Variants in GALK2 observed in about 807,000 individuals in gnomAD.
The protein encoded by GALK2 is N-acetylgalactosamine kinase.
Under a neutral mutation model 52.4 loss-of-function variants are expected in GALK2, and 36 were observed. That is an observed-to-expected ratio of 0.69 (90% CI 0.53 to 0.91). GALK2 has a LOEUF of 0.91. Among genes scored for constraint, GALK2 ranks in the 40% least tolerant of loss-of-function variants. GALK2 has a pLI of 0.00. For synonymous variants in GALK2, 176 were observed against 199.1 expected (o/e 0.88, Z 0.98); for missense variants, 579 against 559.1 (o/e 1.04, Z -0.36).
At chr15:49,319,205 C>G (rs149063385) in intron 8 of GALK2, 2 of 351,850 alleles carry the variant, frequency 5.7e-6, no homozygotes, top group Non-Finnish European at 1.1e-5. Flanking sequence ...CCACCTGCCT[C>G]GGCCTCCCAA....
chr15:49,203,012 C>G (rs2087918955), intron 2 of GALK2, among the ~76,000 whole-genome samples: 1 of 151,938 alleles, frequency 6.6e-6, no homozygotes, highest in Admixed American at 6.6e-5. Flanking sequence ...TTAGAAATGT[C>G]TATTTAGATC....
At chr15:49,350,530 A>G (rs2042089468) in intron 3 of GALK2, among the ~76,000 whole-genome samples, 1 of 152,182 alleles carries the variant, frequency 6.6e-6, no homozygotes, top group Non-Finnish European at 1.5e-5. Flanking sequence ...GGTTATAAGA[A>G]TAGTGGGGGA....
In GALK2 at chr15:49,331,809, G is replaced by A. The variant is rs779324495; in HGVS notation, c.*3650G>A. On this transcript the variant is annotated 3_prime_UTR_variant, in exon 10 of 10. Coordinates refer to ENST00000560031, the MANE Select transcript of GALK2 (RefSeq NM_002044.4). ...TTATGTAGGAACTTCTCAAAGTCCT[G>A]TTTCACTTCATGAGGTTTCTTGGTA... 2.5e-6 allele frequency: 4 copies of A among 1,611,132 alleles called. No homozygotes were observed. The South Asian group carries it at 4.4e-5, about 18-fold the overall frequency.
chr15:49,203,802 A>C (rs1330159376), intron 2 of GALK2, among the ~76,000 whole-genome samples: 1 of 152,224 alleles, frequency 6.6e-6, no homozygotes, highest in Non-Finnish European at 1.5e-5. Context: ...CCTATGAATG[A>C]AAGTAACTTT....
chr15:49,253,359 C>G (rs1269630421), intron 5 of GALK2, among the ~76,000 whole-genome samples: 2 of 144,236 alleles, frequency 1.4e-5, no homozygotes, highest in African/African-American at 5.0e-5. Context: ...GACCTTTTAT[C>G]TTTAGACGCT....
At chr15:49,308,773 AACAGGTGAAGGAG>A (rs1279776143) in intron 8 of GALK2, among the ~76,000 whole-genome samples, 2 of 152,200 alleles carry the variant, frequency 1.3e-5, no homozygotes, top group African/African-American at 4.8e-5. Flanking sequence ...TGGAAGAATA[AACAGGTGAAGGAG>A]ACTGGAAATT....
At chr15:49,366,923 G>A (rs937479131) in intron 3 of GALK2, among the ~76,000 whole-genome samples, 18 of 152,288 alleles carry the variant, frequency 1.2e-4, no homozygotes, top group African/African-American at 4.1e-4. Context: ...CTGAAGATAG[G>A]ACTGTAAAAA....
intron 3 of GALK2, among the ~76,000 whole-genome samples, chr15:49,229,275 G>A (rs749948118): frequency 3.9e-5 from 6 of 152,172 alleles, no homozygotes; most frequent in Non-Finnish European, 8.8e-5. Flanking sequence ...CTTAGGATAT[G>A]GTTGTTGTTG....
chr15:49,160,290 A>G (rs2084606335), intron 1 of GALK2, among the ~76,000 whole-genome samples: 2 of 152,168 alleles, frequency 1.3e-5, no homozygotes, highest in Non-Finnish European at 2.9e-5. Context: ...AGAAAAAAAA[A>G]GATTAATAAT....
In GALK2 at chr15:49,253,808, C is replaced by T. The variant is rs528432947; in HGVS notation, c.504+14441C>T. Among the ~76,000 whole-genome samples the T allele has an allele frequency of 2.1e-5, 3 of 143,374 alleles. No homozygotes were observed. The South Asian group carries it at 6.9e-4, about 33-fold the overall frequency. The allele number at this position is 143,374 out of a possible 152,430, so 94.1% of individuals were successfully genotyped here. ...CACTTTTATAGTATATTAACATTGT[C>T]CCCATTTCATCTTTGGACCTTAAAA... On this transcript the variant is annotated intron_variant, in intron 5 of 9. Coordinates refer to ENST00000560031, the MANE Select transcript of GALK2 (RefSeq NM_002044.4).
At position 49,278,153 on chromosome 15, in the gene GALK2, G is replaced by T. The variant is rs369033186; in HGVS notation, c.505-3834G>T. 4.0e-4 allele frequency among the ~76,000 whole-genome samples: 60 copies of T among 149,682 alleles called. 1 individual carries two copies. The highest frequency in any genetic ancestry group is 3.6e-3 in the Middle Eastern group (1 of 280). On this transcript the variant is annotated intron_variant, in intron 5 of 9. Transcript: ENST00000560031. The stretch of plus-strand genomic sequence containing the variant: ...GCGGGCGCCTGTAGTCCCAGCTACT[G>T]GGGAGGCTGAGGCAGGAGAATGGCG...
chr15:49,236,946 T>C (rs1156504551), intron 4 of GALK2, among the ~76,000 whole-genome samples: 1 of 152,212 alleles, frequency 6.6e-6, no homozygotes, highest in Admixed American at 6.5e-5. Context: ...ATTTCTTTCT[T>C]TCTTTTGTGT....
At chr15:49,302,601 A>G (rs1465927729) in intron 8 of GALK2, among the ~76,000 whole-genome samples, 1 of 152,238 alleles carries the variant, frequency 6.6e-6, no homozygotes, top group Non-Finnish European at 1.5e-5. Context: ...TTAGTAATTT[A>G]AATGTCCAGT....
chr15:49,218,748 A>T (rs1358201646), intron 3 of GALK2, among the ~76,000 whole-genome samples: 2 of 152,206 alleles, frequency 1.3e-5, no homozygotes, highest in Non-Finnish European at 2.9e-5. Context: ...ACTGCTACAA[A>T]TATTTATGTA....
At chr15:49,194,153 C>G (rs943548662) in intron 1 of GALK2, 2 of 151,928 alleles carry the variant, frequency 1.3e-5, no homozygotes, top group Non-Finnish European at 2.9e-5. Flanking sequence ...TGGTGAAACC[C>G]CATCTCTACT....
chr15:49,235,320 T>G (rs1166976155), intron 3 of GALK2, among the ~76,000 whole-genome samples: 1 of 152,220 alleles, frequency 6.6e-6, no homozygotes, highest in African/African-American at 2.4e-5. Context: ...TCCTCTTCAT[T>G]TAGCTTTGTA....
intron 1 of GALK2, among the ~76,000 whole-genome samples, chr15:49,164,942 A>C (rs1003489410): frequency 2.6e-4 from 40 of 152,216 alleles, no homozygotes; most frequent in Non-Finnish European, 5.1e-4. Flanking sequence ...CTCAGATTTC[A>C]TTTTGATGAT....
chr15:49,352,431 TTAAG>T, intron 3 of GALK2, among the ~76,000 whole-genome samples: 1 of 152,290 alleles, frequency 6.6e-6, no homozygotes, highest in South Asian at 2.1e-4. Flanking sequence ...AGGACTTATG[TTAAG>T]TAAGTCCACT....
At position 49,156,018 on chromosome 15, in the gene GALK2, T is replaced by C; in HGVS notation, c.20+2T>C. The C allele has an allele frequency of 1.9e-6, 3 of 1,614,168 alleles. No homozygotes were observed. Among genetic ancestry groups the C allele is most frequent in the Non-Finnish European group, 8.5e-7 (1 of 1,179,984 alleles). ...TGACATGCCCGTCCTATATGACAGGTATTATTTCTGCTATCATTGTACGTG... is the reference window on the plus strand; with the variant it reads ...TGACATGCCCGTCCTATATGACAGGCATTATTTCTGCTATCATTGTACGTG... On this transcript the variant is annotated splice_donor_variant, in intron 1 of 9. Coordinates refer to the GALK2 transcript ENST00000327171. LOFTEE classifies it high-confidence loss of function.
Sources: gnomAD v4.1 joint callset for allele counts (sites outside exome capture counted in the v4.1 genomes callset) on GRCh38, gnomAD v4.1.1 for gene constraint, MANE v1.5 for transcripts, NCBI Gene and HGNC (gene_info 2026-07-23, HGNC 2026-07-21) for gene names.